RIPK2: variants seen among roughly 807,000 people sequenced by gnomAD.
RIPK2 encodes the protein receptor-interacting serine/threonine-protein kinase 2.
Under a neutral mutation model 60.9 loss-of-function variants are expected in RIPK2, and 38 were observed. The ratio of observed to expected loss-of-function variants is 0.62; its 90% CI spans 0.48 to 0.82. The LOEUF (loss-of-function observed/expected upper bound fraction) is 0.82. Among genes scored for constraint, RIPK2 ranks in the 40% least tolerant of loss-of-function variants. The pLI, the probability that RIPK2 is intolerant of heterozygous loss-of-function variation, is 0.00. For missense variants in RIPK2, 518 were observed against 647.0 expected, an observed-to-expected ratio of 0.80 and a Z score of 2.16; for synonymous variants, 225 against 223.4, an observed-to-expected ratio of 1.01 and a Z score of -0.06.
intron 2 of RIPK2, among the ~76,000 whole-genome samples, chr8:89,764,217 C>G (rs1042983720): frequency 1.4e-4 from 22 of 152,138 alleles, no homozygotes; most frequent in African/African-American, 5.3e-4. Context: ...GGACAGGCCT[C>G]TGTGTATGCC....
At chr8:89,770,052 T>C in intron 4 of RIPK2, 123 bp downstream of exon 4, 3 of 761,412 alleles carry the variant, frequency 3.9e-6, no homozygotes, top group Non-Finnish European at 6.1e-6. Context: ...GTGGTGAAAA[T>C]AAACTTGAGG....
At chr8:89,767,467 T>G (rs1428623320) in intron 3 of RIPK2, among the ~76,000 whole-genome samples, 1 of 151,686 alleles carries the variant, frequency 6.6e-6, no homozygotes, top group Non-Finnish European at 1.5e-5. Context: ...GACACTCCTC[T>G]CCTTAGAATA....
chr8:89,786,640 A>C lies in RIPK2; in HGVS notation c.1077A>C (p.Glu359Asp). ...SQLHENSGSP[E>D]TSRSLPAPQD... is the part of the protein sequence containing the mutation. ...TCCATGAAAATAGTGGTTCTCCTGA[A>C]ACTTCAAGGTCCCTGCCAGCTCCTC... Residue 359 changes from glutamate (E) to aspartate (D), a missense_variant, in exon 9 of 11, where the codon GAA becomes GAC. Glu to Asp is a conservative substitution (Grantham distance 45, BLOSUM62 2). Coordinates refer to ENST00000220751, the MANE Select transcript of RIPK2 (RefSeq NM_003821.6). The C allele has an allele frequency of 6.2e-7, 1 of 1,602,420 alleles. No homozygotes were observed. The highest frequency in any genetic ancestry group is 8.5e-7 in the Non-Finnish European group (1 of 1,172,316).
chr8:89,771,943 C>A (rs750702977), intron 5 of RIPK2, among the ~76,000 whole-genome samples, 153 bp downstream of exon 5: 1 of 151,988 alleles, frequency 6.6e-6, no homozygotes, highest in Non-Finnish European at 1.5e-5. Context: ...GCATCACATA[C>A]TGCAAAATAT....
intron 3 of RIPK2, among the ~76,000 whole-genome samples, chr8:89,768,694 T>C (rs1037895240): frequency 2.6e-5 from 4 of 151,838 alleles, no homozygotes; most frequent in Non-Finnish European, 4.4e-5. Context: ...TGATTATTTT[T>C]ATTTTTTTTC....
At chr8:89,766,609 C>A (rs1809233009) in intron 3 of RIPK2, among the ~76,000 whole-genome samples, 1 of 151,072 alleles carries the variant, frequency 6.6e-6, no homozygotes, top group Non-Finnish European at 1.5e-5. Flanking sequence ...ATCTTTTCAT[C>A]CTTTTAACAG....
chr8:89,790,003 AT>A, intron 10 of RIPK2, 75 bp from the exon 11 acceptor site: 1 of 1,058,034 alleles, frequency 9.5e-7, no homozygotes, highest in Middle Eastern at 2.1e-4. Flanking sequence ...TGCTTTATTT[AT>A]TTTTCATGGA....
At chr8:89,775,785 G>A in intron 6 of RIPK2, among the ~76,000 whole-genome samples, 1 of 152,284 alleles carries the variant, frequency 6.6e-6, no homozygotes, top group Middle Eastern at 3.4e-3. Context: ...AGTGTAGTAT[G>A]AGAGCAGATG....
chr8:89,769,717 CT>C, intron 3 of RIPK2, 54 bp from the exon 4 acceptor site: 1 of 1,297,712 alleles, frequency 7.7e-7, no homozygotes, highest in Non-Finnish European at 1.0e-6. Context: ...AGATAGTTGA[CT>C]TTTGGACTTT....
Position 89,765,491 on chromosome 8 carries a change from G to T in RIPK2, c.478G>T (p.Val160Phe). 2 of 1,561,006 alleles carry T rather than the reference G, an allele frequency of 1.3e-6. No homozygotes were observed. The highest frequency in any genetic ancestry group is 8.8e-7 in the Non-Finnish European group (1 of 1,138,008). Residue 160 changes from valine to phenylalanine, a missense_variant, in exon 3 of 11, where the codon GTT becomes TTT. Transcript: ENST00000220751. ...TATCTTATTGGACAATGAATTTCAT[G>T]TTAAGGTAATTACTTTTTTAAAAAG... ...QNILLDNEFH[V>F]KIADFGLSKW... is the part of the protein sequence containing the mutation.
intron 10 of RIPK2, 34 bp downstream of exon 10, chr8:89,789,516 T>C: frequency 1.9e-6 from 3 of 1,587,338 alleles, no homozygotes; most frequent in Non-Finnish European, 2.6e-6. Context: ...TTGTAAGTGA[T>C]GCCATTGACC....
intron 4 of RIPK2, among the ~76,000 whole-genome samples, chr8:89,770,713 A>G (rs1563612726): frequency 6.6e-6 from 1 of 151,846 alleles, no homozygotes. Context: ...AATGAATGCT[A>G]TATCTCTACC....
rs763425212 is a variant in RIPK2, at chr8:89,769,954, G to T, written c.641+25G>T. 5.9e-6 allele frequency: 9 copies of T among 1,519,658 alleles called. No homozygotes were observed. In the South Asian group the frequency reaches 1.2e-4, roughly 20 times the overall value. The allele number at this position is 1,519,658 out of a possible 1,614,324, so 94.1% of individuals were successfully genotyped here. A position where few individuals can be genotyped will look rare whatever the true frequency, so the allele number is the denominator to read the frequency against. The stretch of plus-strand genomic sequence containing the variant: ...GGTAGAGTAAAGTTGCTTCTGCTCA[G>T]ATTTAACCTTGTCTCAGACACAAAA... On this transcript the variant is annotated intron_variant, in intron 4 of 10. Transcript: ENST00000220751.
intron 7 of RIPK2, among the ~76,000 whole-genome samples, chr8:89,781,691 AT>A (rs973502055): frequency 6.6e-6 from 1 of 152,170 alleles, no homozygotes; most frequent in African/African-American, 2.4e-5. Context: ...TGGGAGATAC[AT>A]TCCAAGACCC....
intron 1 of RIPK2, among the ~76,000 whole-genome samples, chr8:89,761,889 A>G (rs1809152238): frequency 6.6e-6 from 1 of 152,126 alleles, no homozygotes; most frequent in Admixed American, 6.5e-5. Flanking sequence ...AAAGGAGTGC[A>G]TTAAACAATT....
chr8:89,771,728 T>C lies in RIPK2; in HGVS notation c.642-13T>C, dbSNP rs1809314803. 6.4e-7 allele frequency: 1 copy of C among 1,572,684 alleles called. No homozygotes were observed. The highest frequency in any genetic ancestry group is 2.3e-5 in the East Asian group (1 of 44,434). Reference sequence around the variant, plus strand: ...TTTAAAATATGTAACATGTATGTTCTTATGTTAAACAGCTATGCAGTTATC... The same window carrying C: ...TTTAAAATATGTAACATGTATGTTCCTATGTTAAACAGCTATGCAGTTATC... On this transcript the variant is annotated splice_polypyrimidine_tract_variant and intron_variant, in intron 4 of 10. Transcript: ENST00000220751.
chr8:89,789,924 G>GA (rs1809648491), intron 10 of RIPK2, among the ~76,000 whole-genome samples, 155 bp from the exon 11 acceptor site: 1 of 152,120 alleles, frequency 6.6e-6, no homozygotes, highest in East Asian at 1.9e-4. Context: ...AATGTTTCCT[G>GA]AAAAATGACA....
In RIPK2 at chr8:89,786,587, C is replaced by T. The variant is rs747004908; in HGVS notation, c.1030-6C>T. ...ACCTAAACCCTTTATTTTTTATTTA[C>T]TTTAGGAATCATGTGGATCCTCTCA... On this transcript the variant is annotated splice_polypyrimidine_tract_variant and splice_region_variant and intron_variant, in intron 8 of 10. Transcript: ENST00000220751. 1 of 1,490,816 alleles carries T rather than the reference C, an allele frequency of 6.7e-7. No homozygotes were observed. The highest frequency in any genetic ancestry group is 9.3e-7 in the Non-Finnish European group (1 of 1,078,938). The allele number at this position is 1,490,816 out of a possible 1,614,324, so 92.3% of individuals were successfully genotyped here. A position where few individuals can be genotyped will look rare whatever the true frequency, so the allele number is the denominator to read the frequency against.
intron 8 of RIPK2, among the ~76,000 whole-genome samples, chr8:89,784,866 T>C (rs1019677458): frequency 6.6e-6 from 1 of 152,216 alleles, no homozygotes; most frequent in African/African-American, 2.4e-5. Context: ...TTAGGCCGCT[T>C]GCACTCATGT....
Sources: gnomAD v4.1 joint callset for allele counts (sites outside exome capture counted in the v4.1 genomes callset) on GRCh38, gnomAD v4.1.1 for gene constraint, MANE v1.5 for transcripts, NCBI Gene and HGNC (gene_info 2026-07-23, HGNC 2026-07-21) for gene names.